FRAS1: variants seen among roughly 807,000 people sequenced by gnomAD.
FRAS1 encodes extracellular matrix organizing protein FRAS1.
FRAS1 carries 290 observed loss-of-function variants against 435.2 expected under a neutral mutation model. That is an observed-to-expected ratio of 0.67 (90% CI 0.61 to 0.73). The LOEUF (loss-of-function observed/expected upper bound fraction) is 0.73. FRAS1 is among the 30% of genes least tolerant of loss of function. The pLI, the probability that FRAS1 is intolerant of heterozygous loss-of-function variation, is 0.00. For missense variants in FRAS1, 4,860 were observed against 5,001.5 expected (o/e 0.97, Z 0.85); for synonymous variants, 1,800 against 1,851.0 (o/e 0.97, Z 0.71).
At chr4:78,074,087 T>C (rs1740506963) in intron 2 of FRAS1, among the ~76,000 whole-genome samples, 1 of 151,860 alleles carries the variant, frequency 6.6e-6, no homozygotes, top group Non-Finnish European at 1.5e-5. Flanking sequence ...CTGTGAGTTC[T>C]TTTCTGACAG....
intron 2 of FRAS1, among the ~76,000 whole-genome samples, chr4:78,096,749 C>G (rs949358982): frequency 6.6e-6 from 1 of 152,214 alleles, no homozygotes; most frequent in Non-Finnish European, 1.5e-5. Context: ...GCAAGTGGAC[C>G]CTGGGCCTGG....
At chr4:78,380,349 C>CAG (rs1395502065) in intron 27 of FRAS1, among the ~76,000 whole-genome samples, 1 of 103,636 alleles carries the variant, frequency 9.6e-6, no homozygotes, top group African/African-American at 3.7e-5. Context: ...GTACTGGCGA[C>CAG]AGAGAGAGAG....
chr4:78,323,913 CTCATAGGACTCTCCTGGGAA>C (rs1729611324), intron 18 of FRAS1, among the ~76,000 whole-genome samples: 2 of 152,108 alleles, frequency 1.3e-5, no homozygotes, highest in African/African-American at 4.8e-5. Context: ...AACAGAATTT[CTCATAGGACTCTCCTGGGAA>C]TCTTGTTAAA....
At chr4:78,361,578 A>G (rs973350917) in intron 20 of FRAS1, among the ~76,000 whole-genome samples, 5 of 152,206 alleles carry the variant, frequency 3.3e-5, no homozygotes, top group Admixed American at 6.5e-5. Context: ...ATGAGTGGGC[A>G]CTGGACATGA....
chr4:78,389,503 G>A (rs1402576481), intron 29 of FRAS1, among the ~76,000 whole-genome samples: 2 of 152,248 alleles, frequency 1.3e-5, no homozygotes, highest in East Asian at 3.8e-4. Flanking sequence ...GCATAGGAGA[G>A]ATGGGAGTGA....
At chr4:78,499,474 C>T (rs1229595014) in intron 60 of FRAS1, among the ~76,000 whole-genome samples, 4 of 152,072 alleles carry the variant, frequency 2.6e-5, no homozygotes, top group African/African-American at 9.7e-5. Flanking sequence ...ATAATTCCAC[C>T]CATTATATTG....
chr4:78,151,598 C>T (rs748518002), intron 2 of FRAS1, among the ~76,000 whole-genome samples: 1 of 152,060 alleles, frequency 6.6e-6, no homozygotes, highest in Non-Finnish European at 1.5e-5. Context: ...TAATGGAAGT[C>T]GAAGATCATG....
intron 2 of FRAS1, among the ~76,000 whole-genome samples, chr4:78,074,140 C>T (rs1029018350): frequency 6.9e-6 from 1 of 145,176 alleles, no homozygotes; most frequent in African/African-American, 2.6e-5. Context: ...CATTTCTTTC[C>T]TCCAAAGGGA....
At chr4:78,074,322 C>T (rs539094930) in intron 2 of FRAS1, among the ~76,000 whole-genome samples, 9 of 151,894 alleles carry the variant, frequency 5.9e-5, no homozygotes, top group Non-Finnish European at 1.3e-4. Flanking sequence ...ATTGAGTTTC[C>T]CTATAATCTA....
chr4:78,074,953 G>A (rs1740561159), intron 2 of FRAS1, among the ~76,000 whole-genome samples: 1 of 152,156 alleles, frequency 6.6e-6, no homozygotes, highest in South Asian at 2.1e-4. Context: ...CACAGACAGA[G>A]CCTTGCTGAG....
chr4:78,417,713 A>G (rs1038344603), intron 32 of FRAS1, among the ~76,000 whole-genome samples: 1 of 152,160 alleles, frequency 6.6e-6, no homozygotes, highest in African/African-American at 2.4e-5. Flanking sequence ...AGCAACTGCA[A>G]CCTACAATCT....
intron 2 of FRAS1, among the ~76,000 whole-genome samples, chr4:78,182,872 C>A (rs1440036804): frequency 7.4e-6 from 1 of 135,190 alleles, no homozygotes; most frequent in African/African-American, 2.9e-5. Flanking sequence ...AGAGGGAGAC[C>A]CTGTCTCAAA....
intron 2 of FRAS1, among the ~76,000 whole-genome samples, chr4:78,093,892 T>G (rs1741653617): frequency 6.6e-6 from 1 of 152,184 alleles, no homozygotes; most frequent in Admixed American, 6.5e-5. Flanking sequence ...GAAGTTTGTT[T>G]TAATAGATTC....
At chr4:78,317,020 A>C (rs1018243842) in intron 16 of FRAS1, among the ~76,000 whole-genome samples, 3 of 152,194 alleles carry the variant, frequency 2.0e-5, no homozygotes, top group Admixed American at 6.5e-5. Flanking sequence ...ACCGTGGGTA[A>C]ATTTTTGAAC....
chr4:78,375,200 A>C (rs1047722476), intron 25 of FRAS1, among the ~76,000 whole-genome samples: 4 of 152,232 alleles, frequency 2.6e-5, no homozygotes, highest in Non-Finnish European at 5.9e-5. Context: ...ATTAAATACT[A>C]CTACTAAAAA....
chr4:78,507,636 G>C, intron 62 of FRAS1, 28 bp downstream of exon 62: 3 of 1,562,168 alleles, frequency 1.9e-6, no homozygotes, highest in Non-Finnish European at 2.6e-6. Flanking sequence ...AAGGATTGCT[G>C]TTTTACGTCT....
chr4:78,229,311 T>G (rs1011909827), intron 2 of FRAS1, among the ~76,000 whole-genome samples: 2 of 152,034 alleles, frequency 1.3e-5, no homozygotes, highest in Non-Finnish European at 2.9e-5. Context: ...TCCTTGTTTT[T>G]TTTTTTTTTT....
rs572235027 is a variant in FRAS1, at chr4:78,156,321, A to AT, written c.109-81174dup. ...TGTGCTCTTTTAATCGAAAGTCCTC[A>AT]TTTTTTTTTTTTTTTAGATCTCTGC... On this transcript the variant is annotated intron_variant, in intron 2 of 73. Coordinates refer to ENST00000512123, the MANE Select transcript of FRAS1 (RefSeq NM_025074.7). 6.3e-3 allele frequency among the ~76,000 whole-genome samples: 923 copies of AT among 145,526 alleles called. 6 individuals carry two copies. The highest frequency in any genetic ancestry group is 0.014 in the African/African-American group (543 of 39,794).
chr4:78,188,867 A>G (rs1443541668), intron 2 of FRAS1, among the ~76,000 whole-genome samples: 1 of 152,232 alleles, frequency 6.6e-6, no homozygotes, highest in Non-Finnish European at 1.5e-5. Flanking sequence ...CTCATGCTAT[A>G]AATGACTATA....
Sources: gnomAD v4.1 joint callset for allele counts (sites outside exome capture counted in the v4.1 genomes callset) on GRCh38, gnomAD v4.1.1 for gene constraint, MANE v1.5 for transcripts, NCBI Gene and HGNC (gene_info 2026-07-23, HGNC 2026-07-21) for gene names.